Variants in DTWD1 observed in about 807,000 individuals in gnomAD.
The protein encoded by DTWD1 is DTW motif tRNA-uridine aminocarboxypropyltransferase 1, also known as tRNA-uridine aminocarboxypropyltransferase 1.
Under a neutral mutation model 30.2 loss-of-function variants are expected in DTWD1, and 27 were observed. That is an observed-to-expected ratio of 0.90 (90% confidence interval 0.66 to 1.23). DTWD1 has a LOEUF of 1.23. Among genes scored for constraint, DTWD1 ranks in the 50% most tolerant of loss-of-function variants. DTWD1 has a pLI of 0.00. For synonymous variants in DTWD1, 99 were observed against 113.1 expected (o/e 0.88, Z 0.79); for missense variants, 342 against 348.8 (o/e 0.98, Z 0.15).
At chr15:49,626,771 A>G (rs1222367685) in intron 2 of DTWD1, 3 of 445,392 alleles carry the variant, frequency 6.7e-6, no homozygotes, top group Admixed American at 2.4e-5. Context: ...TGGCCAGTCC[A>G]TGGTCTCCTC....
In DTWD1 at chr15:49,638,076, C is replaced by G. The variant is rs557465121; in HGVS notation, c.667+3282C>G. On this transcript the variant is annotated intron_variant, in intron 4 of 4. Transcript: ENST00000403028. ...TTTGAAAGAGAGAAAGGGAACACTGCCTGCCACATTCCTGTGGATGTTTAC... is the reference window on the plus strand; with the variant it reads ...TTTGAAAGAGAGAAAGGGAACACTGGCTGCCACATTCCTGTGGATGTTTAC... 2.6e-5 allele frequency among the ~76,000 whole-genome samples: 4 copies of G among 152,294 alleles called. No individual in the cohort carries two copies. The East Asian group carries it at 7.7e-4, about 29-fold the overall frequency.
chr15:49,628,507 T>TA (rs78904428), intron 2 of DTWD1, among the ~76,000 whole-genome samples: 2,022 of 152,338 alleles, frequency 0.013, 35 homozygotes, highest in East Asian at 0.094. Context: ...GGTGCAATGT[T>TA]ACAATGGTTA....
Position 49,634,575 on chromosome 15 carries a change from A to G in DTWD1, c.448A>G (p.Lys150Glu), listed in dbSNP as rs1253071857. The change falls in exon 4 of 5, where the codon AAA becomes GAA. Residue 150 changes from lysine (K) to glutamate (E), a missense_variant. Coordinates refer to ENST00000403028, the MANE Select transcript of DTWD1 (RefSeq NM_001144955.2). ...IFPGPQSISI[K>E]DISFHLQKRI... is the part of the protein sequence containing the mutation. Reference sequence around the variant, plus strand: ...TCCTGGACCTCAGTCTATCTCAATAAAAGATATTTCTTTTCATCTGCAAAA... The same window carrying G: ...TCCTGGACCTCAGTCTATCTCAATAGAAGATATTTCTTTTCATCTGCAAAA... 7 of 1,613,252 alleles carry G rather than the reference A, an allele frequency of 4.3e-6. No homozygotes were observed. The highest frequency in any genetic ancestry group is 3.3e-5 in the Admixed American group (2 of 59,888).
chr15:49,621,818 A>G (rs1350536588), intron 1 of DTWD1, among the ~76,000 whole-genome samples: 1 of 152,144 alleles, frequency 6.6e-6, no homozygotes, highest in Non-Finnish European at 1.5e-5. Flanking sequence ...GGGTACTACT[A>G]CCTTGGATTA....
Position 49,643,340 on chromosome 15 carries a change from A to C in DTWD1, c.677A>C (p.Gln226Pro). The C allele has an allele frequency of 6.7e-7, 1 of 1,502,936 alleles. No individual in the cohort carries two copies. The highest frequency in any genetic ancestry group is 8.8e-7 in the Non-Finnish European group (1 of 1,138,796). 93.1% of individuals were successfully genotyped at this position (1,502,936 alleles called of 1,614,324 possible). A position where few individuals can be genotyped will look rare whatever the true frequency, so the allele number is the denominator to read the frequency against. The change falls in exon 5 of 5, where the codon CAA (glutamine) becomes CCA (proline). Residue 226 changes from glutamine (Q) to proline (P), a missense_variant. Transcript: ENST00000403028. Reference protein sequence around the residue: ...FTDERLQGLLQVELKTRKTCF... With the variant: ...FTDERLQGLLPVELKTRKTCF... ...TTTTTTTTTTTGACAGGGTTGTTAC[A>C]AGTTGAGTTGAAAACAAGAAAAACT...
In DTWD1 at chr15:49,654,752, C is replaced by T. The variant is rs765868791; in HGVS notation, c.*11174C>T. ...CACCTAAGGAAGAACTGAGACGTCC[C>T]AGTCAATAGCACTGCCTTAGTCAGT... On this transcript the variant is annotated 3_prime_UTR_variant, in exon 5 of 5. Transcript: ENST00000403028. 4 of 152,030 alleles carry T rather than the reference C, an allele frequency of 2.6e-5. No homozygotes were observed. The highest frequency in any genetic ancestry group is 5.9e-5 in the Non-Finnish European group (4 of 67,976). 9.4% of individuals were successfully genotyped at this position (152,030 alleles called of 1,614,324 possible).
At chr15:49,622,984 G>A (rs976420043) in intron 1 of DTWD1, among the ~76,000 whole-genome samples, 19 of 152,228 alleles carry the variant, frequency 1.2e-4, no homozygotes, top group African/African-American at 4.3e-4. Context: ...GAACTGCAAA[G>A]TGATATTTCT....
Position 49,647,888 on chromosome 15 carries a change from AAAG to A in DTWD1, c.*4312_*4314del, listed in dbSNP as rs1376620443. The A allele has an allele frequency of 1.3e-5, 2 of 152,142 alleles. No individual in the cohort carries two copies. The highest frequency in any genetic ancestry group is 4.8e-5 in the African/African-American group (2 of 41,454). 9.4% of individuals were successfully genotyped at this position (152,142 alleles called of 1,614,324 possible). The stretch of plus-strand genomic sequence containing the variant: ...AGTGTGAAAAAGAACAAGCAATAAA[AAAG>A]ATCTCAGAAATTTAAAAAGTGATTG... On this transcript the variant is annotated 3_prime_UTR_variant, in exon 5 of 5. Transcript: ENST00000403028.
rs537841425 is a variant in DTWD1 at position 49,654,940 on chromosome 15, T to G, written c.*11362T>G. On this transcript the variant is annotated 3_prime_UTR_variant, in exon 5 of 5. Transcript: ENST00000403028. ...CTTCCTGGTTTGCAGACAGCCATCT[T>G]CCTGCTATATCCTCACATGATGCAG... is the stretch of plus-strand genomic sequence containing the variant. 60 of 152,192 alleles carry G rather than the reference T, an allele frequency of 3.9e-4. No homozygotes were observed. Among genetic ancestry groups the G allele is most frequent in the African/African-American group, 1.4e-3 (60 of 41,562 alleles). The allele number at this position is 152,192 out of a possible 1,614,324, so 9.4% of individuals were successfully genotyped here.
chr15:49,640,651 T>G (rs2079055104), intron 4 of DTWD1, among the ~76,000 whole-genome samples: 1 of 151,574 alleles, frequency 6.6e-6, no homozygotes, highest in Non-Finnish European at 1.5e-5. Context: ...TGTCTCATTG[T>G]CATCTTCATT....
chr15:49,626,173 A>G (rs2078842043), intron 2 of DTWD1, among the ~76,000 whole-genome samples: 1 of 152,144 alleles, frequency 6.6e-6, no homozygotes, highest in Admixed American at 6.6e-5. Context: ...AATACTAAAA[A>G]AAAAGTTTAT....
Position 49,645,596 on chromosome 15 carries a change from G to A in DTWD1, c.*2018G>A, listed in dbSNP as rs2079112626. ...GTTGGATTTCTCTAGGCTAAATTTG[G>A]ACTTCCCTGAGCCAAAATCTATTGC... On this transcript the variant is annotated 3_prime_UTR_variant, in exon 5 of 5. Transcript: ENST00000403028. 6.6e-6 allele frequency: 1 copy of A among 151,756 alleles called. No individual in the cohort carries two copies. Among genetic ancestry groups the A allele is most frequent in the South Asian group, 2.1e-4 (1 of 4,822 alleles). 9.4% of individuals were successfully genotyped at this position (151,756 alleles called of 1,614,324 possible).
At chr15:49,637,651 C>T (rs1333060019) in intron 4 of DTWD1, among the ~76,000 whole-genome samples, 1 of 152,016 alleles carries the variant, frequency 6.6e-6, no homozygotes, top group African/African-American at 2.4e-5. Flanking sequence ...TTTACTTGTC[C>T]ATGTATGATT....
chr15:49,653,605 A>G lies in DTWD1; in HGVS notation c.*10027A>G, dbSNP rs1277978638. The stretch of plus-strand genomic sequence containing the variant: ...AAGGCAGTAAATAAATTATTGAATT[A>G]TTGAAATAAATGGAGGATTGAGTTA... On this transcript the variant is annotated 3_prime_UTR_variant, in exon 5 of 5. Coordinates refer to ENST00000403028, the MANE Select transcript of DTWD1 (RefSeq NM_001144955.2). 6.6e-6 allele frequency: 1 copy of G among 152,170 alleles called. No homozygotes were observed. The highest frequency in any genetic ancestry group is 2.4e-5 in the African/African-American group (1 of 41,452). 9.4% of individuals were successfully genotyped at this position (152,170 alleles called of 1,614,324 possible).
intron 3 of DTWD1, 109 bp downstream of exon 3, chr15:49,632,411 A>G: frequency 9.3e-7 from 1 of 1,069,522 alleles, no homozygotes; most frequent in East Asian, 2.7e-5. Flanking sequence ...TTCTTAGTAA[A>G]GTATTATGCT....
intron 2 of DTWD1, chr15:49,631,071 AT>A: frequency 2.5e-6 from 1 of 396,376 alleles, no homozygotes; most frequent in Non-Finnish European, 5.1e-6. Context: ...GAGTTGTATA[AT>A]TATTTCATTA....
intron 4 of DTWD1, among the ~76,000 whole-genome samples, chr15:49,639,320 G>T (rs1429614113): frequency 1.3e-5 from 2 of 152,232 alleles, no homozygotes; most frequent in Middle Eastern, 3.4e-3. Context: ...CAGCACTTTG[G>T]GAGATGAAGG....
At position 49,652,860 on chromosome 15, in the gene DTWD1, T is replaced by TCCTTCAGA. The variant is rs1381680659; in HGVS notation, c.*9282_*9283insCCTTCAGA. Reference sequence around the variant, plus strand: ...AGGAATGAGGTCAGCAGCCTCCAACTGTCAGCTCCTTCAGAGTCTGCTTCA... The same window carrying TCCTTCAGA: ...AGGAATGAGGTCAGCAGCCTCCAACTCCTTCAGAGTCAGCTCCTTCAGAGTCTGCTTCA... On this transcript the variant is annotated 3_prime_UTR_variant, in exon 5 of 5. Transcript: ENST00000403028. 1 of 152,172 alleles carries TCCTTCAGA rather than the reference T, an allele frequency of 6.6e-6. No homozygotes were observed. Among genetic ancestry groups the TCCTTCAGA allele is most frequent in the Admixed American group, 6.5e-5 (1 of 15,270 alleles). The allele number at this position is 152,172 out of a possible 1,614,324, so 9.4% of individuals were successfully genotyped here.
chr15:49,633,859 A>G (rs1259033149), intron 3 of DTWD1, among the ~76,000 whole-genome samples: 1 of 152,184 alleles, frequency 6.6e-6, no homozygotes, highest in Non-Finnish European at 1.5e-5. Flanking sequence ...AAATCTCAGT[A>G]AAAATGTGCG....
Sources: gnomAD v4.1 joint callset for allele counts (sites outside exome capture counted in the v4.1 genomes callset) on GRCh38, gnomAD v4.1.1 for gene constraint, MANE v1.5 for transcripts, NCBI Gene and HGNC (gene_info 2026-07-23, HGNC 2026-07-21) for gene names.